The following MARCHF1 variants were observed in gnomAD, a reference collection of about 807,000 sequenced individuals.
MARCHF1 encodes membrane associated ring-CH-type finger 1.
MARCHF1 carries 40 observed loss-of-function variants against 54.2 expected under a neutral mutation model. The observed-to-expected ratio is 0.74, with a 90% confidence interval of 0.57 to 0.96. The LOEUF (loss-of-function observed/expected upper bound fraction) is 0.96, where lower values mean the gene tolerates loss of function less well. Ranked by LOEUF, MARCHF1 falls within the 40% of genes least tolerant of loss-of-function variation. The pLI is 0.00. For missense variants in MARCHF1, 586 were observed against 656.5 expected (o/e 0.89, Z 1.17); for synonymous variants, 236 against 236.3 (o/e 1.00, Z 0.01).
In MARCHF1 at chr4:164,188,351, C is replaced by T. The variant is rs572337817; in HGVS notation, c.-322-76689G>A. On this transcript the variant is annotated intron_variant, in intron 1 of 9. Transcript: ENST00000514618. ...CGGCCGGTGGCTTCATTGCCTGCGACGCCCTGCCTCTGCTGCCCGACTGGC... is the reference window on the plus strand; with the variant it reads ...CGGCCGGTGGCTTCATTGCCTGCGATGCCCTGCCTCTGCTGCCCGACTGGC... 7.9e-5 allele frequency: 35 copies of T among 444,884 alleles called. No individual in the cohort carries two copies. The East Asian group carries it at 1.4e-3, about 17-fold the overall frequency. 27.6% of individuals were successfully genotyped at this position (444,884 alleles called of 1,614,324 possible). A position where few individuals can be genotyped will look rare whatever the true frequency, so the allele number is the denominator to read the frequency against.
intron 4 of MARCHF1, among the ~76,000 whole-genome samples, chr4:163,722,280 A>G (rs1259087771): frequency 4.6e-5 from 7 of 151,888 alleles, no homozygotes; most frequent in African/African-American, 7.3e-5. Flanking sequence ...CCTTCATTTC[A>G]TTATGTACCC....
chr4:164,095,399 A>G (rs1755388441), intron 2 of MARCHF1, among the ~76,000 whole-genome samples: 2 of 148,518 alleles, frequency 1.3e-5, no homozygotes, highest in Admixed American at 6.7e-5. Flanking sequence ...TGTTTGCTAT[A>G]TTACACACAC....
At position 163,854,001 on chromosome 4, in the gene MARCHF1, T is replaced by A. The variant is rs1579341653; in HGVS notation, c.111+20A>T. 5 of 1,535,334 alleles carry A rather than the reference T, an allele frequency of 3.3e-6. No homozygotes were observed. In the Middle Eastern group the frequency reaches 8.4e-4, roughly 257 times the overall value. On this transcript the variant is annotated intron_variant, in intron 4 of 9. Coordinates refer to ENST00000514618, the MANE Select transcript of MARCHF1 (RefSeq NM_001394959.1). ...TATTTACATATAAGCCAATTTGAGG[T>A]AAAGTAACTTTCCACTCACCAATGT... is the stretch of plus-strand genomic sequence containing the variant.
chr4:163,551,151 C>T lies in MARCHF1; in HGVS notation c.1192-5408G>A, dbSNP rs115491829. 2.9e-3 allele frequency among the ~76,000 whole-genome samples: 445 copies of T among 151,970 alleles called. 1 individual carries two copies. The highest frequency in any genetic ancestry group is 0.01 in the African/African-American group (419 of 41,436). ...TGGCTGTGATTTAAATATTTCAGGT[C>T]GACTGAAAAAAATTACATAATTCAT... On this transcript the variant is annotated intron_variant, in intron 8 of 9. Coordinates refer to ENST00000514618, the MANE Select transcript of MARCHF1 (RefSeq NM_001394959.1).
At chr4:164,285,422 C>T (rs1023117843) in intron 1 of MARCHF1, among the ~76,000 whole-genome samples, 15 of 151,912 alleles carry the variant, frequency 9.9e-5, no homozygotes, top group African/African-American at 3.4e-4. Flanking sequence ...TAAAATAAAA[C>T]AAAAATGTTT....
chr4:163,769,570 T>C (rs1747094004), intron 4 of MARCHF1, among the ~76,000 whole-genome samples: 1 of 152,174 alleles, frequency 6.6e-6, no homozygotes, highest in Admixed American at 6.5e-5. Flanking sequence ...GGCCATGTTG[T>C]CACATCATTG....
intron 5 of MARCHF1, among the ~76,000 whole-genome samples, chr4:163,687,566 A>C (rs1406413366): frequency 6.6e-6 from 1 of 152,238 alleles, no homozygotes; most frequent in Non-Finnish European, 1.5e-5. Context: ...GTGATGAACC[A>C]AAAAGTAATT....
chr4:164,036,566 T>C (rs967576440), intron 2 of MARCHF1, among the ~76,000 whole-genome samples: 3 of 152,214 alleles, frequency 2.0e-5, no homozygotes, highest in Non-Finnish European at 2.9e-5. Flanking sequence ...ATTTGCTTTG[T>C]TGTAGTTTCA....
chr4:163,883,829 C>A (rs1579364019), intron 3 of MARCHF1, among the ~76,000 whole-genome samples: 1 of 151,880 alleles, frequency 6.6e-6, no homozygotes, highest in East Asian at 1.9e-4. Context: ...CAATATAACA[C>A]CTCTTTGAGC....
chr4:164,299,008 C>T (rs76857842), intron 1 of MARCHF1, among the ~76,000 whole-genome samples: 4,350 of 152,142 alleles, frequency 0.029, 130 homozygotes, highest in East Asian at 0.15. Flanking sequence ...TCTTTAAAAA[C>T]CATTATATTT....
intron 9 of MARCHF1, among the ~76,000 whole-genome samples, chr4:163,539,778 A>C (rs1738666050): frequency 6.6e-6 from 1 of 152,210 alleles, no homozygotes; most frequent in South Asian, 2.1e-4. Flanking sequence ...AAACACCCTT[A>C]AATGCTTAAG....
At chr4:163,728,218 T>C (rs1276839351) in intron 4 of MARCHF1, among the ~76,000 whole-genome samples, 1 of 152,122 alleles carries the variant, frequency 6.6e-6, no homozygotes, top group Non-Finnish European at 1.5e-5. Flanking sequence ...TATCACCCCC[T>C]TTTTTTATTA....
intron 2 of MARCHF1, among the ~76,000 whole-genome samples, chr4:164,068,429 G>A (rs559444475): frequency 9.7e-4 from 148 of 152,286 alleles, no homozygotes; most frequent in African/African-American, 3.2e-3. Context: ...GGCTGTGTGC[G>A]GCGCTTGTGG....
rs138254653 is a variant in MARCHF1, at chr4:163,546,053, CAACCGCTGCCTCCCAGGCTCAAGAG to C, written c.1192-335_1192-311del. Among the ~76,000 whole-genome samples, 1,406 of 152,084 alleles carry C rather than the reference CAACCGCTGCCTCCCAGGCTCAAGAG, an allele frequency of 9.2e-3. 22 individuals carry two copies. Among genetic ancestry groups the C allele is most frequent in the East Asian group, 0.068 (351 of 5,172 alleles). Reference sequence around the variant, plus strand: ...GCAGTGGCACAATCTCAGGTCACTGCAACCGCTGCCTCCCAGGCTCAAGAGAACCTCTGCCTCAGCCCCCAGAGTA... The same window carrying C: ...GCAGTGGCACAATCTCAGGTCACTGCAACCTCTGCCTCAGCCCCCAGAGTA... On this transcript the variant is annotated intron_variant, in intron 8 of 9. Coordinates refer to ENST00000514618, the MANE Select transcript of MARCHF1 (RefSeq NM_001394959.1).
chr4:163,710,827 G>C (rs1273198111), intron 4 of MARCHF1, among the ~76,000 whole-genome samples: 1 of 152,158 alleles, frequency 6.6e-6, no homozygotes, highest in African/African-American at 2.4e-5. Context: ...CTAAAATGCA[G>C]AAGGTGATGA....
At chr4:164,203,625 A>T (rs1189343600) in intron 1 of MARCHF1, among the ~76,000 whole-genome samples, 1 of 152,198 alleles carries the variant, frequency 6.6e-6, no homozygotes, top group East Asian at 1.9e-4. Flanking sequence ...CAAAAAAACA[A>T]AACAAAACAA....
intron 1 of MARCHF1, among the ~76,000 whole-genome samples, chr4:164,131,388 A>G (rs1756297861): frequency 6.6e-6 from 1 of 152,008 alleles, no homozygotes; most frequent in Non-Finnish European, 1.5e-5. Context: ...ATGTGAAAAA[A>G]TTCTTTCTGT....
intron 1 of MARCHF1, among the ~76,000 whole-genome samples, chr4:164,204,943 ATTTC>A (rs1731563817): frequency 6.6e-6 from 1 of 152,192 alleles, no homozygotes; most frequent in Admixed American, 6.5e-5. Context: ...AAAAAACCTA[ATTTC>A]TTTTAGTATA....
chr4:163,771,895 C>T (rs1747171867), intron 4 of MARCHF1, among the ~76,000 whole-genome samples: 1 of 152,106 alleles, frequency 6.6e-6, no homozygotes, highest in African/African-American at 2.4e-5. Context: ...AAGTCATTAC[C>T]AATTGATGAT....
Sources: allele counts gnomAD v4.1 joint callset (sites outside exome capture counted in the v4.1 genomes callset), GRCh38; gene constraint gnomAD v4.1.1; transcripts MANE v1.5; gene names NCBI Gene and HGNC (gene_info 2026-07-23, HGNC 2026-07-21).